The following PDE8B variants were observed in gnomAD, a reference collection of about 807,000 sequenced individuals.
The protein encoded by PDE8B is phosphodiesterase 8B, also known as high affinity cAMP-specific and IBMX-insensitive 3',5'-cyclic phosphodiesterase 8B.
A neutral mutation model predicts 101.3 loss-of-function variants in PDE8B; 26 were observed. The ratio of observed to expected loss-of-function variants is 0.26; its 90% CI spans 0.19 to 0.36. The LOEUF (loss-of-function observed/expected upper bound fraction) is 0.36. Ranked by LOEUF, PDE8B falls within the 10% of genes least tolerant of loss-of-function variation. PDE8B has a pLI of 1.00. For synonymous variants in PDE8B, 424 were observed against 429.3 expected (o/e 0.99, Z 0.15); for missense variants, 810 against 1,163.1 (o/e 0.70, Z 4.42).
chr5:77,130,041 A>G, the PDE8B span, among the ~76,000 whole-genome samples: 1 of 152,280 alleles, frequency 6.6e-6, no homozygotes, highest in South Asian at 2.1e-4. Flanking sequence ...TGGAGCATAG[A>G]GAAAATGTGG....
chr5:77,102,812 C>T, the PDE8B span, among the ~76,000 whole-genome samples: 1,456 of 152,306 alleles, frequency 9.6e-3, 22 homozygotes, highest in Middle Eastern at 0.017. Context: ...CTCCTGTGTT[C>T]CCTGCGGTGC....
At chr5:77,150,159 T>C in the PDE8B span, among the ~76,000 whole-genome samples, 1 of 152,166 alleles carries the variant, frequency 6.6e-6, no homozygotes, top group Admixed American at 6.5e-5. Flanking sequence ...CACAGTGTCT[T>C]TCTGTTTTGC....
intron 2 of PDE8B, among the ~76,000 whole-genome samples, chr5:77,319,036 T>G (rs1389986909): frequency 6.6e-6 from 1 of 152,224 alleles, no homozygotes; most frequent in Non-Finnish European, 1.5e-5. Flanking sequence ...AATTTAGCTG[T>G]CAAAGACAGA....
intron 10 of PDE8B, among the ~76,000 whole-genome samples, chr5:77,394,231 A>G (rs774305829): frequency 6.6e-6 from 1 of 152,218 alleles, no homozygotes; most frequent in Non-Finnish European, 1.5e-5. Context: ...ACGGCCATCC[A>G]CAAACCAAGC....
chr5:77,296,262 C>CTTCTTCT (rs869058828), intron 1 of PDE8B, among the ~76,000 whole-genome samples: 2 of 150,742 alleles, frequency 1.3e-5, no homozygotes, highest in East Asian at 3.9e-4. Context: ...CCTTCTCCTT[C>CTTCTTCT]TTCTTCTTTC....
At chr5:77,362,087 T>C (rs760573396) in intron 10 of PDE8B, among the ~76,000 whole-genome samples, 7 of 152,232 alleles carry the variant, frequency 4.6e-5, no homozygotes, top group Non-Finnish European at 7.3e-5. Context: ...TTAGGCCTTA[T>C]GGTCTCTGTC....
the PDE8B span, chr5:77,139,352 C>T: frequency 6.6e-6 from 1 of 152,276 alleles, no homozygotes; most frequent in Non-Finnish European, 1.5e-5. Context: ...AAGAGAACCT[C>T]TCAGCTGAAC....
chr5:77,202,672 G>T, the PDE8B span, among the ~76,000 whole-genome samples: 2 of 148,990 alleles, frequency 1.3e-5, no homozygotes, highest in Non-Finnish European at 1.5e-5. Context: ...TCGCTCTCTT[G>T]CCCAGGCTGG....
chr5:77,351,392 G>A lies in PDE8B; in HGVS notation c.1106+239G>A, dbSNP rs776604704. Among the ~76,000 whole-genome samples, 8 of 152,168 alleles carry A rather than the reference G, an allele frequency of 5.3e-5. No homozygotes were observed. The South Asian group carries it at 6.2e-4, about 12-fold the overall frequency. On this transcript the variant is annotated intron_variant, in intron 9 of 21. Transcript: ENST00000264917. ...CTCCACCTGATCACCTATGCCTTCT[G>A]TCATTCCCAGTGTGCTCTAAAGGGG...
intron 8 of PDE8B, among the ~76,000 whole-genome samples, 197 bp from the exon 9 acceptor site, chr5:77,350,868 G>A (rs973891634): frequency 6.6e-6 from 1 of 152,210 alleles, no homozygotes; most frequent in Non-Finnish European, 1.5e-5. Context: ...ACAACCTGGT[G>A]GTGGATATGT....
chr5:77,361,878 C>T (rs749383730), intron 10 of PDE8B, among the ~76,000 whole-genome samples: 8 of 152,144 alleles, frequency 5.3e-5, no homozygotes, highest in Non-Finnish European at 1.2e-4. Flanking sequence ...TCCACTCATT[C>T]ATTAACTGTA....
intron 10 of PDE8B, among the ~76,000 whole-genome samples, chr5:77,397,985 T>A (rs1301190196): frequency 6.6e-6 from 1 of 151,528 alleles, no homozygotes; most frequent in Non-Finnish European, 1.5e-5. Context: ...CTGAGTAGAA[T>A]CTGTCTGCTT....
the PDE8B span, chr5:77,146,474 A>C: frequency 6.5e-6 from 1 of 154,712 alleles, no homozygotes; most frequent in African/African-American, 2.4e-5. Context: ...TAAGATTCTG[A>C]GTACATTGAG....
chr5:77,212,698 C>T (rs919112004), intron 1 of PDE8B, among the ~76,000 whole-genome samples: 1 of 152,154 alleles, frequency 6.6e-6, no homozygotes, highest in African/African-American at 2.4e-5. Context: ...GTTGCCCATT[C>T]GTTACAGAGG....
In PDE8B at chr5:77,216,870, A is replaced by AG. The variant is rs550479335; in HGVS notation, c.339+5610dup. 1.4e-4 allele frequency among the ~76,000 whole-genome samples: 22 copies of AG among 152,264 alleles called. No individual in the cohort carries two copies. The South Asian group carries it at 2.5e-3, about 17-fold the overall frequency. ...TGAGCAGGGTGGAGAGTGGGTCTGG[A>AG]GGGGCAAATGAAAAATATCCTGAGC... On this transcript the variant is annotated intron_variant, in intron 1 of 21. Transcript: ENST00000264917.
the PDE8B span, among the ~76,000 whole-genome samples, chr5:77,200,135 A>G: frequency 6.6e-6 from 1 of 152,176 alleles, no homozygotes; most frequent in Non-Finnish European, 1.5e-5. Flanking sequence ...CGAATAAGAC[A>G]TAGGGATCAC....
intron 10 of PDE8B, among the ~76,000 whole-genome samples, chr5:77,354,312 C>T (rs1781692599): frequency 6.6e-6 from 1 of 152,164 alleles, no homozygotes; most frequent in Non-Finnish European, 1.5e-5. Context: ...CAAAGGGGTC[C>T]ACGTCCATGT....
At chr5:77,235,582 C>T (rs1754495820) in intron 1 of PDE8B, among the ~76,000 whole-genome samples, 1 of 152,046 alleles carries the variant, frequency 6.6e-6, no homozygotes, top group Admixed American at 6.5e-5. Flanking sequence ...AAGGTCCTTA[C>T]ACTCATAGTG....
intron 12 of PDE8B, among the ~76,000 whole-genome samples, chr5:77,405,817 G>A (rs1205117879): frequency 2.6e-5 from 4 of 152,124 alleles, no homozygotes; most frequent in African/African-American, 9.7e-5. Flanking sequence ...GATTTCACTC[G>A]CTCATTTGAT....
Sources: gnomAD v4.1 joint callset for allele counts (sites outside exome capture counted in the v4.1 genomes callset) on GRCh38, gnomAD v4.1.1 for gene constraint, MANE v1.5 for transcripts, NCBI Gene and HGNC (gene_info 2026-07-23, HGNC 2026-07-21) for gene names.